Variants in NEDD4L observed in about 807,000 individuals in gnomAD.
NEDD4L encodes NEDD4 like E3 ubiquitin protein ligase.
NEDD4L carries 54 observed loss-of-function variants against 148.9 expected under a neutral mutation model. That is an observed-to-expected ratio of 0.36 (90% CI 0.29 to 0.45). The LOEUF (loss-of-function observed/expected upper bound fraction) is 0.45. Ranked by LOEUF, NEDD4L falls within the 20% of genes least tolerant of loss-of-function variation. NEDD4L has a pLI of 1.00. For synonymous variants in NEDD4L, 433 were observed against 440.7 expected (o/e 0.98, Z 0.22); for missense variants, 856 against 1,233.8 (o/e 0.69, Z 4.59).
intron 2 of NEDD4L, among the ~76,000 whole-genome samples, chr18:58,206,622 G>A (rs1056449260): frequency 3.9e-5 from 6 of 152,150 alleles, no homozygotes; most frequent in Non-Finnish European, 8.8e-5. Flanking sequence ...ACATGGTAAC[G>A]TATGCATAGA....
intron 25 of NEDD4L, among the ~76,000 whole-genome samples, chr18:58,385,139 G>A (rs1199426828): frequency 3.9e-5 from 6 of 152,110 alleles, no homozygotes; most frequent in South Asian, 2.1e-4. Flanking sequence ...GTGTGTATAC[G>A]GGTGTGTGCA....
intron 5 of NEDD4L, among the ~76,000 whole-genome samples, chr18:58,296,891 C>T (rs1000501002): frequency 6.6e-6 from 1 of 152,060 alleles, no homozygotes; most frequent in African/African-American, 2.4e-5. Flanking sequence ...CACTGCACTC[C>T]AGCCTGGGCA....
chr18:58,122,840 A>G (rs1011081246), intron 1 of NEDD4L, among the ~76,000 whole-genome samples: 2 of 151,914 alleles, frequency 1.3e-5, no homozygotes, highest in African/African-American at 4.8e-5. Context: ...AGTTCAAGCA[A>G]TTCTCCTGCC....
chr18:58,294,554 G>C (rs74634699), intron 5 of NEDD4L, among the ~76,000 whole-genome samples: 133 of 151,910 alleles, frequency 8.8e-4, no homozygotes, highest in African/African-American at 3.1e-3. Flanking sequence ...ACAAATACTT[G>C]TTTTTCTGTG....
rs1600303330 is a variant in NEDD4L at position 58,256,050 on chromosome 18, C to T, written c.297+3996C>T. The T allele has an allele frequency of 2.4e-6, 3 of 1,229,468 alleles. No homozygotes were observed. Among genetic ancestry groups the T allele is most frequent in the Non-Finnish European group, 3.0e-6 (3 of 986,498 alleles). The allele number at this position is 1,229,468 out of a possible 1,614,324, so 76.2% of individuals were successfully genotyped here. A position where few individuals can be genotyped will look rare whatever the true frequency, so the allele number is the denominator to read the frequency against. ...TCCGCCACTGCCACCACGAGGGCCTCGCCCCAGAGTGGCTCCCGGGAGCCC... is the reference window on the plus strand; with the variant it reads ...TCCGCCACTGCCACCACGAGGGCCTTGCCCCAGAGTGGCTCCCGGGAGCCC... On this transcript the variant is annotated intron_variant, in intron 5 of 30. Transcript: ENST00000400345. This position sits in a 1 kb window ranked among gnomAD's most constrained non-coding sequence, Gnocchi z 5.2.
intron 1 of NEDD4L, among the ~76,000 whole-genome samples, chr18:58,120,319 C>T (rs574979378): frequency 1.3e-5 from 2 of 152,286 alleles, no homozygotes; most frequent in African/African-American, 4.8e-5. Flanking sequence ...AAGTTTGAGT[C>T]CTGGTTCTGC....
chr18:58,132,732 G>A (rs541132751), intron 1 of NEDD4L, among the ~76,000 whole-genome samples: 1 of 152,362 alleles, frequency 6.6e-6, no homozygotes, highest in African/African-American at 2.4e-5. Flanking sequence ...TGAGGACTTT[G>A]AACTGAGCAT....
At chr18:58,152,213 G>A (rs576817576) in intron 1 of NEDD4L, among the ~76,000 whole-genome samples, 2 of 152,118 alleles carry the variant, frequency 1.3e-5, no homozygotes, top group African/African-American at 2.4e-5. Context: ...GTCTTCTCAC[G>A]GGGTGATTCT....
rs1419845153 is a variant in NEDD4L at position 58,398,606 on chromosome 18, TTCA to T, written c.*2341_*2343del. ...GCAGTAATTGTGAGTGACACCTCAG[TTCA>T]TCAACCCCTTAATAATATCAGCTTA... On this transcript the variant is annotated 3_prime_UTR_variant, in exon 31 of 31. Transcript: ENST00000400345. The T allele has an allele frequency of 6.6e-6, 1 of 152,232 alleles. No individual in the cohort carries two copies. 9.4% of individuals were successfully genotyped at this position (152,232 alleles called of 1,614,324 possible). A position where few individuals can be genotyped will look rare whatever the true frequency, so the allele number is the denominator to read the frequency against.
intron 2 of NEDD4L, among the ~76,000 whole-genome samples, chr18:58,174,319 G>C (rs186277353): frequency 2.0e-5 from 3 of 152,216 alleles, no homozygotes; most frequent in Admixed American, 1.3e-4. Flanking sequence ...TGTTCAGAAA[G>C]AATCAATCAG....
At chr18:58,064,035 G>T (rs1023118266) in intron 1 of NEDD4L, among the ~76,000 whole-genome samples, 17 of 145,252 alleles carry the variant, frequency 1.2e-4, no homozygotes, top group Non-Finnish European at 2.2e-4. Context: ...CGTGATCTCG[G>T]CTCACTGCAA....
In NEDD4L at chr18:58,082,100, A is replaced by ATT. The variant is rs1292050464; in HGVS notation, c.48+37393_48+37394insTT. ...GATGAATATATATATATATATATAT[A>ATT]TATTTTTTTTTTTTTTTTTTTCTTG... On this transcript the variant is annotated intron_variant, in intron 1 of 30. Transcript: ENST00000400345. Among the ~76,000 whole-genome samples, 533 of 72,214 alleles carry ATT rather than the reference A, an allele frequency of 7.4e-3. 14 individuals carry two copies. The highest frequency in any genetic ancestry group is 9.9e-3 in the Non-Finnish European group (411 of 41,518). 47.4% of individuals were successfully genotyped at this position (72,214 alleles called of 152,430 possible). A position where few individuals can be genotyped will look rare whatever the true frequency, so the allele number is the denominator to read the frequency against.
intron 5 of NEDD4L, among the ~76,000 whole-genome samples, chr18:58,286,002 T>C (rs570516009): frequency 1.3e-5 from 2 of 152,358 alleles, no homozygotes; most frequent in African/African-American, 4.8e-5. Flanking sequence ...ACAATTGTCA[T>C]ACCTTAAGTT....
At chr18:58,121,592 A>G (rs893800169) in intron 1 of NEDD4L, among the ~76,000 whole-genome samples, 1 of 152,134 alleles carries the variant, frequency 6.6e-6, no homozygotes, top group African/African-American at 2.4e-5. Flanking sequence ...TTTTTTTTGT[A>G]GAGATGAGGT....
intron 18 of NEDD4L, among the ~76,000 whole-genome samples, chr18:58,351,657 AT>A (rs1003223135): frequency 7.0e-4 from 106 of 150,776 alleles, no homozygotes; most frequent in African/African-American, 2.0e-3. Flanking sequence ...AGCCAGTGGG[AT>A]TTTTTTTTTC....
chr18:58,291,465 T>C (rs1386369857), intron 5 of NEDD4L, among the ~76,000 whole-genome samples: 1 of 152,232 alleles, frequency 6.6e-6, no homozygotes, highest in Non-Finnish European at 1.5e-5. Context: ...GCAATGAATC[T>C]AGCACCATTG....
At chr18:58,261,083 C>G (rs1056790818) in intron 5 of NEDD4L, among the ~76,000 whole-genome samples, 1 of 152,128 alleles carries the variant, frequency 6.6e-6, no homozygotes, top group African/African-American at 2.4e-5. Flanking sequence ...ATCAGTATGG[C>G]ATTTAACACA....
chr18:58,181,457 A>G (rs2038854535), intron 2 of NEDD4L, among the ~76,000 whole-genome samples: 1 of 152,210 alleles, frequency 6.6e-6, no homozygotes, highest in Non-Finnish European at 1.5e-5. Flanking sequence ...TAATTAGCAG[A>G]GCCTCTCTGT....
intron 19 of NEDD4L, among the ~76,000 whole-genome samples, chr18:58,362,300 A>G (rs1394696730): frequency 6.6e-6 from 1 of 152,248 alleles, no homozygotes; most frequent in Non-Finnish European, 1.5e-5. Context: ...AGTAGGGGGA[A>G]CTGTGATGTA....
Sources: allele counts gnomAD v4.1 joint callset (sites outside exome capture counted in the v4.1 genomes callset), GRCh38; gene constraint gnomAD v4.1.1; non-coding constraint Gnocchi (gnomAD v3.1); transcripts MANE v1.5; gene names NCBI Gene and HGNC (gene_info 2026-07-23, HGNC 2026-07-21).